The following CFAP54 variants were observed in gnomAD, a reference collection of about 807,000 sequenced individuals.
CFAP54 encodes cilia and flagella associated protein 54.
A neutral mutation model predicts 370.4 loss-of-function variants in CFAP54; 290 were observed. The ratio of observed to expected loss-of-function variants is 0.78; its 90% confidence interval spans 0.71 to 0.86. CFAP54 has a LOEUF of 0.86. Among genes scored for constraint, CFAP54 ranks in the 40% least tolerant of loss-of-function variants. The probability of loss-of-function intolerance (pLI) is 0.00; values close to 1 mark genes in which losing one functional copy is unlikely to be tolerated. For synonymous variants in CFAP54, 1,206 were observed against 1,236.5 expected (o/e 0.98, Z 0.52); for missense variants, 3,399 against 3,528.7 (o/e 0.96, Z 0.93).
chr12:96,696,621 T>G (rs10860068), intron 45 of CFAP54, among the ~76,000 whole-genome samples: 1 of 152,074 alleles, frequency 6.6e-6, no homozygotes, highest in African/African-American at 2.4e-5. Flanking sequence ...TAGAATCTTA[T>G]TATTTTCTAT....
intron 33 of CFAP54, 25 bp from the exon 34 acceptor site, chr12:96,647,850 T>C: frequency 6.8e-7 from 1 of 1,479,692 alleles, no homozygotes; most frequent in Non-Finnish European, 8.9e-7. Context: ...TATTGTTTTT[T>C]AATATGATTT....
Position 96,500,950 on chromosome 12 carries a change from C to G in CFAP54, c.423+11C>G, listed in dbSNP as rs149619518. On this transcript the variant is annotated intron_variant, in intron 2 of 67. Transcript: ENST00000524981. ...CTTTGTCAAATGAAAGTAAGTGCCTCTGCAGGAAAGAGCCAAAAAGAAGTT... is the reference window on the plus strand; with the variant it reads ...CTTTGTCAAATGAAAGTAAGTGCCTGTGCAGGAAAGAGCCAAAAAGAAGTT... The G allele has an allele frequency of 4.7e-5, 70 of 1,500,720 alleles. No homozygotes were observed. The African/African-American group carries it at 9.1e-4, about 20-fold the overall frequency. 93.0% of individuals were successfully genotyped at this position (1,500,720 alleles called of 1,614,324 possible). A position where few individuals can be genotyped will look rare whatever the true frequency, so the allele number is the denominator to read the frequency against.
chr12:96,539,272 G>A (rs528810131), intron 13 of CFAP54, among the ~76,000 whole-genome samples: 2 of 151,798 alleles, frequency 1.3e-5, no homozygotes, highest in South Asian at 4.2e-4. Flanking sequence ...TCTTGGCCAG[G>A]CTGGTCTTGA....
intron 50 of CFAP54, among the ~76,000 whole-genome samples, chr12:96,729,556 GT>G (rs1250202668): frequency 6.6e-6 from 1 of 152,204 alleles, no homozygotes; most frequent in Admixed American, 6.5e-5. Context: ...CAGTATTCGG[GT>G]GGGAGTGACC....
chr12:96,865,098 C>G (rs1959969787), intron 67 of CFAP54, among the ~76,000 whole-genome samples: 1 of 152,114 alleles, frequency 6.6e-6, no homozygotes, highest in African/African-American at 2.4e-5. Flanking sequence ...GTATATTCTA[C>G]AAAATGAGCT....
intron 66 of CFAP54, among the ~76,000 whole-genome samples, chr12:96,859,336 G>A (rs1959803381): frequency 6.6e-6 from 1 of 152,152 alleles, no homozygotes; most frequent in Admixed American, 6.5e-5. Flanking sequence ...TCACATAGCT[G>A]GTAAGTGGTG....
intron 22 of CFAP54, among the ~76,000 whole-genome samples, chr12:96,582,540 T>A (rs1186490266): frequency 3.9e-5 from 6 of 152,190 alleles, no homozygotes; most frequent in African/African-American, 1.4e-4. Context: ...TAGCGTGTCA[T>A]ACTGGCTCAT....
chr12:96,662,693 C>T (rs2136519943), intron 38 of CFAP54, among the ~76,000 whole-genome samples: 1 of 152,178 alleles, frequency 6.6e-6, no homozygotes, highest in South Asian at 2.1e-4. Flanking sequence ...AACTCCTGTC[C>T]TATTACTCCC....
chr12:96,650,108 A>C, intron 35 of CFAP54, 36 bp downstream of exon 35: 1 of 1,529,412 alleles, frequency 6.5e-7, no homozygotes, highest in Non-Finnish European at 8.8e-7. Flanking sequence ...TGTAGTAGAC[A>C]TAAATTTCAG....
intron 17 of CFAP54, among the ~76,000 whole-genome samples, chr12:96,556,524 A>G (rs553419491): frequency 2.0e-5 from 3 of 152,294 alleles, no homozygotes; most frequent in East Asian, 1.9e-4. Flanking sequence ...AAACAACACA[A>G]ATATGTTATC....
intron 67 of CFAP54, among the ~76,000 whole-genome samples, chr12:96,872,592 A>G (rs1960197674): frequency 6.6e-6 from 1 of 152,250 alleles, no homozygotes; most frequent in Admixed American, 6.5e-5. Flanking sequence ...CATTTCATTA[A>G]GATGACATAG....
At chr12:96,669,679 G>A (rs947140696) in intron 39 of CFAP54, among the ~76,000 whole-genome samples, 12 of 152,174 alleles carry the variant, frequency 7.9e-5, no homozygotes, top group Admixed American at 2.6e-4. Flanking sequence ...CTGGAGAGGG[G>A]CAGGTTAGAG....
intron 53 of CFAP54, 51 bp from the exon 54 acceptor site, chr12:96,743,678 GTT>G: frequency 1.3e-6 from 2 of 1,557,400 alleles, no homozygotes; most frequent in Non-Finnish European, 1.7e-6. Context: ...TCCAGCTCTT[GTT>G]TCAGTGAATT....
chr12:96,865,511 C>A (rs1436284661), intron 67 of CFAP54, among the ~76,000 whole-genome samples: 1 of 152,058 alleles, frequency 6.6e-6, no homozygotes, highest in African/African-American at 2.4e-5. Context: ...ATGATTGACA[C>A]CAAATTCAGG....
At chr12:96,693,883 G>T in intron 45 of CFAP54, 75 bp downstream of exon 45, 1 of 917,852 alleles carries the variant, frequency 1.1e-6, no homozygotes, top group South Asian at 1.7e-5. Context: ...TTTGATTCTA[G>T]GACTTATAAT....
intron 63 of CFAP54, among the ~76,000 whole-genome samples, chr12:96,806,165 T>TAA: frequency 5.0e-5 from 1 of 20,108 alleles, no homozygotes. Flanking sequence ...GCCAAATATA[T>TAA]ATATATATAT....
chr12:96,671,390 G>GTT (rs145650354), intron 39 of CFAP54, among the ~76,000 whole-genome samples: 2 of 151,806 alleles, frequency 1.3e-5, no homozygotes, highest in African/African-American at 4.8e-5. Context: ...TAATTTAGGG[G>GTT]TTTTTTTTGT....
At chr12:96,535,006 TTCTGTGTG>T (rs1565887856) in intron 11 of CFAP54, among the ~76,000 whole-genome samples, 1 of 129,110 alleles carries the variant, frequency 7.7e-6, no homozygotes, top group Non-Finnish European at 1.6e-5. Context: ...TAGTTTTCTT[TTCTGTGTG>T]TGTGTGTGTG....
intron 1 of CFAP54, among the ~76,000 whole-genome samples, chr12:96,495,487 G>GTT (rs59091655): frequency 0.099 from 14,267 of 144,272 alleles, 1,154 homozygotes; most frequent in East Asian, 0.45. Context: ...GCTAATTTTT[G>GTT]TTTTTTTTTT....
Sources: gnomAD v4.1 joint callset for allele counts (sites outside exome capture counted in the v4.1 genomes callset) on GRCh38, gnomAD v4.1.1 for gene constraint, MANE v1.5 for transcripts, NCBI Gene and HGNC (gene_info 2026-07-23, HGNC 2026-07-21) for gene names.